PPP3CA: variants seen among roughly 807,000 people sequenced by gnomAD.
PPP3CA encodes protein phosphatase 3 catalytic subunit alpha.
PPP3CA carries 14 observed loss-of-function variants against 66.5 expected under a neutral mutation model. That is an observed-to-expected ratio of 0.21 (90% CI 0.14 to 0.33). The LOEUF (loss-of-function observed/expected upper bound fraction) is 0.33. PPP3CA is among the 10% of genes least tolerant of loss of function. The pLI is 1.00. For missense variants in PPP3CA, 317 were observed against 639.5 expected, an observed-to-expected ratio of 0.50 and a Z score of 5.44; for synonymous variants, 232 against 226.2, an observed-to-expected ratio of 1.03 and a Z score of -0.23.
At chr4:101,129,320 T>G (rs1348659066) in intron 2 of PPP3CA, among the ~76,000 whole-genome samples, 2 of 152,174 alleles carry the variant, frequency 1.3e-5, no homozygotes, top group African/African-American at 4.8e-5. Flanking sequence ...TGGGCACAGC[T>G]TCAGTAGACT....
At chr4:101,245,792 T>C (rs1726457807) in intron 1 of PPP3CA, among the ~76,000 whole-genome samples, 4 of 151,906 alleles carry the variant, frequency 2.6e-5, no homozygotes, top group Admixed American at 2.6e-4. Flanking sequence ...CCTTCTTGGA[T>C]TCTCACTGTG....
intron 1 of PPP3CA, among the ~76,000 whole-genome samples, chr4:101,271,972 T>C (rs1047975197): frequency 3.9e-5 from 6 of 152,200 alleles, no homozygotes; most frequent in African/African-American, 1.4e-4. Flanking sequence ...TCGTAATCAT[T>C]ATACTATAAC....
intron 2 of PPP3CA, among the ~76,000 whole-genome samples, chr4:101,125,086 T>C (rs1285155240): frequency 1.3e-5 from 2 of 151,984 alleles, no homozygotes; most frequent in African/African-American, 2.4e-5. Context: ...TAATGAAGTC[T>C]AAATGCTCGT....
intron 1 of PPP3CA, among the ~76,000 whole-genome samples, chr4:101,247,991 G>T (rs945040512): frequency 1.3e-5 from 2 of 152,082 alleles, no homozygotes; most frequent in African/African-American, 4.8e-5. Context: ...TATAAACAAT[G>T]TCCCAAGAGA....
intron 1 of PPP3CA, among the ~76,000 whole-genome samples, chr4:101,252,967 TCCCATGCAGAGAAAACGACTCATTGAGA>T (rs1440476541): frequency 6.6e-6 from 1 of 152,084 alleles, no homozygotes; most frequent in Non-Finnish European, 1.5e-5. Context: ...GGCATGTGCT[TCCCATGCAGAGAAAACGACTCATTGAGA>T]AGCCTAATAC....
intron 1 of PPP3CA, among the ~76,000 whole-genome samples, chr4:101,296,374 A>T (rs189821635): frequency 1.3e-5 from 2 of 152,236 alleles, no homozygotes; most frequent in African/African-American, 2.4e-5. Flanking sequence ...CAGATTATTC[A>T]TCTAGAGTCT....
At chr4:101,229,128 G>A (rs965982488) in intron 1 of PPP3CA, among the ~76,000 whole-genome samples, 1 of 151,542 alleles carries the variant, frequency 6.6e-6, no homozygotes, top group Admixed American at 6.6e-5. Context: ...TGCTGCAGGT[G>A]GTACAAGAAC....
At chr4:101,086,554 A>T (rs1485694134) in intron 6 of PPP3CA, among the ~76,000 whole-genome samples, 4 of 151,022 alleles carry the variant, frequency 2.6e-5, no homozygotes, top group Non-Finnish European at 4.4e-5. Context: ...TTTTTTTTTT[A>T]AATGTTTTTA....
rs187042211 is a variant in PPP3CA, at chr4:101,209,009, A to G, written c.59-12893T>C. ...AACTATGTAAAAGCAACTTTCCTTT[A>G]TAAAGACAAAGGCAGAAAATATAGA... On this transcript the variant is annotated intron_variant, in intron 1 of 13. Coordinates refer to ENST00000394854, the MANE Select transcript of PPP3CA (RefSeq NM_000944.5). 1.6e-3 allele frequency among the ~76,000 whole-genome samples: 241 copies of G among 152,314 alleles called. 5 individuals carry two copies. Among genetic ancestry groups the G allele is most frequent in the Non-Finnish European group, 2.8e-4 (19 of 68,010 alleles).
At chr4:101,341,654 C>T (rs1343133766) in intron 1 of PPP3CA, among the ~76,000 whole-genome samples, 1 of 152,160 alleles carries the variant, frequency 6.6e-6, no homozygotes, top group Non-Finnish European at 1.5e-5. Context: ...ACAGTGGATA[C>T]AATTACTCCC....
At chr4:101,095,508 T>C (rs1195886523) in intron 5 of PPP3CA, among the ~76,000 whole-genome samples, 1 of 152,214 alleles carries the variant, frequency 6.6e-6, no homozygotes, top group Non-Finnish European at 1.5e-5. Context: ...GAAAATTGAA[T>C]ATAATATCTA....
At position 101,264,962 on chromosome 4, in the gene PPP3CA, A is replaced by G. The variant is rs989708241; in HGVS notation, c.59-68846T>C. Among the ~76,000 whole-genome samples the G allele has an allele frequency of 3.9e-5, 6 of 152,174 alleles. No homozygotes were observed. In the South Asian group the frequency reaches 1.2e-3, roughly 32 times the overall value. On this transcript the variant is annotated intron_variant, in intron 1 of 13. Coordinates refer to ENST00000394854, the MANE Select transcript of PPP3CA (RefSeq NM_000944.5). ...GTTTAAATCTCTTTTAGGCCAAACAATTCTCTCTGAGGGGGAAGTAGCCTT... is the reference window on the plus strand; with the variant it reads ...GTTTAAATCTCTTTTAGGCCAAACAGTTCTCTCTGAGGGGGAAGTAGCCTT...
chr4:101,084,390 C>A (rs537631584), intron 6 of PPP3CA, among the ~76,000 whole-genome samples: 1 of 152,164 alleles, frequency 6.6e-6, no homozygotes, highest in East Asian at 1.9e-4. Context: ...CCTGTAATCC[C>A]AGCACTTTGG....
intron 8 of PPP3CA, among the ~76,000 whole-genome samples, chr4:101,067,651 T>C (rs1232004736): frequency 9.0e-6 from 1 of 110,748 alleles, no homozygotes; most frequent in African/African-American, 3.8e-5. Flanking sequence ...ATGACAAGAG[T>C]AGAAAGGCCT....
chr4:101,274,134 G>A (rs756512765), intron 1 of PPP3CA, among the ~76,000 whole-genome samples: 15 of 152,042 alleles, frequency 9.9e-5, no homozygotes, highest in South Asian at 2.1e-4. Context: ...GTAAAACCCC[G>A]TATCTACAAA....
Position 101,025,898 on chromosome 4 carries a change from G to A in PPP3CA, c.1533C>T (p.Asp511=). Reference sequence around the variant, plus strand: ...TATTGCTGCTATTACTGCCATTGCTGTCCGTGCCGTTAGTCTCTGAGGTGA... The same window carrying A: ...TATTGCTGCTATTACTGCCATTGCTATCCGTGCCGTTAGTCTCTGAGGTGA... ...KALTSETNGT[D]SNGSNSSNIQ Residue 511 remains aspartate (D), a synonymous_variant, in exon 14 of 14, where the codon GAC becomes GAT. Transcript: ENST00000394854. 3 of 1,561,470 alleles carry A rather than the reference G, an allele frequency of 1.9e-6. No homozygotes were observed. The South Asian group carries it at 3.3e-5, about 17-fold the overall frequency.
chr4:101,183,738 G>T (rs1724317173), intron 2 of PPP3CA, among the ~76,000 whole-genome samples: 1 of 152,062 alleles, frequency 6.6e-6, no homozygotes, highest in Admixed American at 6.6e-5. Context: ...CTTGATCCAA[G>T]TTTTTTTATT....
intron 3 of PPP3CA, among the ~76,000 whole-genome samples, chr4:101,106,429 GAAAGAAAGAAAGAAAGAAAGAAAGAGAAA>G (rs1730701881): frequency 1.8e-4 from 2 of 11,080 alleles, no homozygotes; most frequent in East Asian, 4.3e-3. Context: ...AAGAAAGAAA[GAAAGAAAGAAAGAAAGAAAGAAAGAGAAA>G]AGAAAAGAAA....
intron 2 of PPP3CA, among the ~76,000 whole-genome samples, chr4:101,173,632 A>C (rs1310157616): frequency 6.6e-6 from 1 of 152,188 alleles, no homozygotes; most frequent in Non-Finnish European, 1.5e-5. Context: ...TTTAAATAAC[A>C]GTTTAGCAAA....
Sources: gnomAD v4.1 joint callset for allele counts (sites outside exome capture counted in the v4.1 genomes callset) on GRCh38, gnomAD v4.1.1 for gene constraint, MANE v1.5 for transcripts, NCBI Gene and HGNC (gene_info 2026-07-23, HGNC 2026-07-21) for gene names.